CCNL1: variants seen among roughly 807,000 people sequenced by gnomAD.
CCNL1 encodes cyclin L1.
Under a neutral mutation model 60.6 loss-of-function variants are expected in CCNL1, and 13 were observed. The observed-to-expected ratio is 0.21, with a 90% CI of 0.14 to 0.34. The LOEUF is 0.34. Ranked by LOEUF, CCNL1 falls within the 10% of genes least tolerant of loss-of-function variation. CCNL1 has a pLI of 1.00. For synonymous variants in CCNL1, 270 were observed against 244.3 expected (o/e 1.10, Z -0.98); for missense variants, 481 against 664.3 (o/e 0.72, Z 3.03).
downstream of CCNL1, among the ~76,000 whole-genome samples, chr3:157,144,798 A>ATT (rs1737733566): frequency 6.6e-6 from 1 of 152,238 alleles, no homozygotes; most frequent in South Asian, 2.1e-4. Flanking sequence ...TGGTATGTAA[A>ATT]TTTTGAAACT....
Position 157,150,391 on chromosome 3 carries a change from A to C in CCNL1, c.675-10T>G. ...GTCATTCATGTAATTCCTGAAAAATATTTCAACTATAAGCTTGCATGTAAA... is the reference window on the plus strand; with the variant it reads ...GTCATTCATGTAATTCCTGAAAAATCTTTCAACTATAAGCTTGCATGTAAA... On this transcript the variant is annotated splice_polypyrimidine_tract_variant and intron_variant, in intron 5 of 10. Coordinates refer to ENST00000295926, the MANE Select transcript of CCNL1 (RefSeq NM_020307.4). 6.2e-7 allele frequency: 1 copy of C among 1,612,320 alleles called. No homozygotes were observed.
In CCNL1 at chr3:157,148,494, T is replaced by A. The variant is rs747466174; in HGVS notation, c.1328A>T (p.His443Leu). 1.2e-6 allele frequency: 2 copies of A among 1,614,208 alleles called. No individual in the cohort carries two copies. The highest frequency in any genetic ancestry group is 2.7e-5 in the African/African-American group (2 of 75,040). ...HSESPRRHHNHGSPHLKAKHT... is the reference protein window; with the variant it reads ...HSESPRRHHNLGSPHLKAKHT... ...CTTGGCCTTAAGGTGAGGAGAACCATGATTATGATGTCTTCGAGGGCTTTC... is the reference window on the plus strand; with the variant it reads ...CTTGGCCTTAAGGTGAGGAGAACCAAGATTATGATGTCTTCGAGGGCTTTC... The change falls in exon 11 of 11, where the codon CAT becomes CTT. Residue 443 changes from histidine to leucine, a missense_variant. By Grantham distance (99) the His-to-Leu change is moderately conservative. Coordinates refer to ENST00000295926, the MANE Select transcript of CCNL1 (RefSeq NM_020307.4).
downstream of CCNL1, among the ~76,000 whole-genome samples, chr3:157,144,560 TAA>T (rs1316920069): frequency 1.3e-5 from 2 of 152,260 alleles, no homozygotes; most frequent in African/African-American, 4.8e-5. Context: ...GAACAAATGT[TAA>T]GTGTTCAAAT....
intron 1 of CCNL1, 138 bp downstream of exon 1, chr3:157,159,654 C>T (rs10936062): frequency 0.25 from 257,095 of 1,030,418 alleles, 34,248 homozygotes; most frequent in Admixed American, 0.44. Flanking sequence ...CGGCACGCCC[C>T]GGCCGCGGCT....
Position 157,152,195 on chromosome 3 carries a change from G to A in CCNL1, c.656C>T (p.Thr219Ile), listed in dbSNP as rs139713483. 4.3e-6 allele frequency: 7 copies of A among 1,612,018 alleles called. No individual in the cohort carries two copies. Among genetic ancestry groups the A allele is most frequent in the Non-Finnish European group, 5.9e-6 (7 of 1,179,248 alleles). ...GACTTACCAGGCAGTTTGAACCAGG[G>A]TTTGATTACGTTCACATTCTAAGAC... ...LQVLECERNQ[T>I]LVQTAWNYMN... is the part of the protein sequence containing the mutation. Residue 219 changes from threonine to isoleucine, a missense_variant, in exon 5 of 11, where the codon ACC (threonine) becomes ATC (isoleucine). Thr to Ile is a moderately conservative substitution (Grantham distance 89). This residue lies in a region of CCNL1 where 14 missense variants were observed against 68.8 expected (regional missense o/e 0.20). Transcript: ENST00000295926.
At chr3:157,159,280 G>A (rs1279736341) in intron 2 of CCNL1, 125 bp downstream of exon 2, 8 of 814,578 alleles carry the variant, frequency 9.8e-6, no homozygotes, top group Admixed American at 2.6e-5. Flanking sequence ...CCTGGCGAGT[G>A]AGAAGTAGGT....
In CCNL1 at chr3:157,148,107, G is replaced by C. The variant is rs1199654424; in HGVS notation, c.*134C>G. On this transcript the variant is annotated 3_prime_UTR_variant, in exon 11 of 11. Transcript: ENST00000295926. ...TTCTTTTCAAAAGAAACTGTCCTCA[G>C]TGTTCTAGAGACCTAGAGGGTTTCA... The C allele has an allele frequency of 2.8e-6, 4 of 1,430,564 alleles. No homozygotes were observed. In the Admixed American group the frequency reaches 9.0e-5, roughly 32 times the overall value. The allele number at this position is 1,430,564 out of a possible 1,614,324, so 88.6% of individuals were successfully genotyped here.
downstream of CCNL1, among the ~76,000 whole-genome samples, chr3:157,145,242 T>C (rs1737744163): frequency 6.6e-6 from 1 of 151,914 alleles, no homozygotes; most frequent in Admixed American, 6.6e-5. Context: ...GAGGCCATCC[T>C]GGCTAACATA....
intron 1 of CCNL1, 34 bp downstream of exon 1, chr3:157,159,758 G>GAGCGC: frequency 6.7e-7 from 1 of 1,494,078 alleles, no homozygotes; most frequent in Non-Finnish European, 9.0e-7. Context: ...GAGAGGAGAG[G>GAGCGC]AGCGCCCGGC....
intron 10 of CCNL1, chr3:157,148,974 A>C (rs1174907536): frequency 5.9e-6 from 2 of 336,336 alleles, no homozygotes; most frequent in Non-Finnish European, 1.1e-5. Context: ...TAAGGGGTTA[A>C]TGAAACACAT....
chr3:157,154,116 A>ACCTT (rs1248015920), intron 3 of CCNL1: 1 of 152,230 alleles, frequency 6.6e-6, no homozygotes. Context: ...TAATGCTTTA[A>ACCTT]AAGTAGCACA....
downstream of CCNL1, among the ~76,000 whole-genome samples, chr3:157,147,328 C>G (rs1320700600): frequency 6.6e-6 from 1 of 152,180 alleles, no homozygotes; most frequent in African/African-American, 2.4e-5. Context: ...CAAAACTTCA[C>G]TTCTTTGTGA....
In CCNL1 at chr3:157,149,335, G is replaced by A. The variant is rs766203396; in HGVS notation, c.1184C>T (p.Ser395Leu). The A allele has an allele frequency of 5.0e-6, 8 of 1,613,882 alleles. No individual in the cohort carries two copies. The highest frequency in any genetic ancestry group is 3.3e-5 in the South Asian group (3 of 91,084). The stretch of plus-strand genomic sequence containing the variant: ...AGAACGTGATCGTGTTCTTGACCTC[G>A]ATCGACTTGCACTTCTGCTATTTCT... Reference protein sequence around the residue: ...RSRNSRSASRSRSRTRSRSRS... With the variant: ...RSRNSRSASRLRSRTRSRSRS... The change falls in exon 10 of 11, where the codon TCG (serine) becomes TTG (leucine). Residue 395 changes from serine (S) to leucine (L), a missense_variant. Ser to Leu is a moderately radical substitution (Grantham distance 145). This residue lies in a region of CCNL1 where 197 missense variants were observed against 233.9 expected (regional missense o/e 0.84). Coordinates refer to ENST00000295926, the MANE Select transcript of CCNL1 (RefSeq NM_020307.4).
Position 157,153,027 on chromosome 3 carries a change from A to C in CCNL1, c.609+9T>G, listed in dbSNP as rs41272613. On this transcript the variant is annotated intron_variant, in intron 4 of 10. Coordinates refer to ENST00000295926, the MANE Select transcript of CCNL1 (RefSeq NM_020307.4). ...CTTACGAACCCAATTTCTGTACTCT[A>C]CAACTCACCTTATGAGGATGCTTGA... 6.2e-7 allele frequency: 1 copy of C among 1,612,928 alleles called. No homozygotes were observed. Among genetic ancestry groups the C allele is most frequent in the Admixed American group, 1.7e-5 (1 of 59,854 alleles).
At chr3:157,159,356 C>A in intron 2 of CCNL1, 49 bp downstream of exon 2, 1 of 1,564,402 alleles carries the variant, frequency 6.4e-7, no homozygotes, top group South Asian at 1.1e-5. Flanking sequence ...CCCTACTCTG[C>A]CCATTTCCGG....
In CCNL1 at chr3:157,149,987, GAA is replaced by G. The variant is rs61216814; in HGVS notation, c.880-12_880-11del. 5.6e-6 allele frequency: 9 copies of G among 1,600,920 alleles called. No homozygotes were observed. In the South Asian group the frequency reaches 1.0e-4, roughly 18 times the overall value. On this transcript the variant is annotated splice_polypyrimidine_tract_variant and intron_variant, in intron 7 of 10. Transcript: ENST00000295926. ...GTAATTCATAGTTTGGCTGTTGGAGGAAAAAAAAGTTAGTATTTCTTCCTTAG... is the reference window on the plus strand; with the variant it reads ...GTAATTCATAGTTTGGCTGTTGGAGGAAAAAAGTTAGTATTTCTTCCTTAG...
Position 157,153,167 on chromosome 3 carries a change from T to C in CCNL1, c.489-11A>G. 6.3e-7 allele frequency: 1 copy of C among 1,595,624 alleles called. No homozygotes were observed. Among genetic ancestry groups the C allele is most frequent in the Non-Finnish European group, 8.5e-7 (1 of 1,174,366 alleles). On this transcript the variant is annotated splice_polypyrimidine_tract_variant and intron_variant, in intron 3 of 10. Transcript: ENST00000295926. ...AGGGGGCTTGGAGTCCTATAGTTTG[T>C]AAGAAATAAAATCAAAACTGTTTTG... is the stretch of plus-strand genomic sequence containing the variant.
At chr3:157,158,084 G>A (rs1157818108) in intron 3 of CCNL1, among the ~76,000 whole-genome samples, 1 of 152,192 alleles carries the variant, frequency 6.6e-6, no homozygotes, top group Non-Finnish European at 1.5e-5. Context: ...TGTAGATGCA[G>A]GAAGTCCTGC....
chr3:157,151,809 T>C (rs888440449), intron 5 of CCNL1: 1 of 1,113,460 alleles, frequency 9.0e-7, no homozygotes, highest in Non-Finnish European at 1.1e-6. Context: ...ACCACTTCAG[T>C]GAATCTCGGA....
Sources: allele counts gnomAD v4.1 joint callset (sites outside exome capture counted in the v4.1 genomes callset), GRCh38; gene constraint gnomAD v4.1.1; regional missense constraint gnomAD v4.1.1; transcripts MANE v1.5; gene names NCBI Gene and HGNC (gene_info 2026-07-23, HGNC 2026-07-21).